Variants in GREM1 observed in about 807,000 individuals in gnomAD.
The protein encoded by GREM1 is gremlin 1, DAN family BMP antagonist, also known as gremlin-1.
In GREM1, 6 loss-of-function variants were observed where a neutral mutation model predicts 13.1. That is an observed-to-expected ratio of 0.46 (90% CI 0.25 to 0.91). The LOEUF (loss-of-function observed/expected upper bound fraction) is 0.91, where lower values mean the gene tolerates loss of function less well. GREM1 is among the 40% of genes least tolerant of loss of function. GREM1 has a pLI of 0.18. For synonymous variants in GREM1, 98 were observed against 93.7 expected (o/e 1.05, Z -0.27); for missense variants, 185 against 233.9 (o/e 0.79, Z 1.36).
At chr15:32,726,371 T>C (rs2055504207) in intron 1 of GREM1, among the ~76,000 whole-genome samples, 1 of 152,136 alleles carries the variant, frequency 6.6e-6, no homozygotes, top group African/African-American at 2.4e-5. Context: ...GCATGGAAAC[T>C]GAACAACCTG....
rs905171369 is a variant in GREM1 at position 32,718,078 on chromosome 15, G to A, written c.-85G>A. Reference sequence around the variant, plus strand: ...TCACTCTCGGTCCCGCTGACCCCGCGCCGAGCCCCGGCGGCTCTGGCCGCG... The same window carrying A: ...TCACTCTCGGTCCCGCTGACCCCGCACCGAGCCCCGGCGGCTCTGGCCGCG... On this transcript the variant is annotated 5_prime_UTR_variant, in exon 1 of 2. Transcript: ENST00000651154. 18 of 1,216,450 alleles carry A rather than the reference G, an allele frequency of 1.5e-5. No homozygotes were observed. The highest frequency in any genetic ancestry group is 4.9e-5 in the African/African-American group (3 of 61,760). The allele number at this position is 1,216,450 out of a possible 1,614,324, so 75.4% of individuals were successfully genotyped here.
chr15:32,731,848 ACT>A lies in GREM1; in HGVS notation c.*606_*607del. ...TTTTCATTTTGTGAAGACCCTCCAGACTCTGGGAGAGGCTGGTGTGGGCAAGG... is the reference window on the plus strand; with the variant it reads ...TTTTCATTTTGTGAAGACCCTCCAGACTGGGAGAGGCTGGTGTGGGCAAGG... On this transcript the variant is annotated 3_prime_UTR_variant, in exon 2 of 2. Transcript: ENST00000651154. The A allele has an allele frequency of 4.3e-6, 1 of 230,826 alleles. No individual in the cohort carries two copies. The highest frequency in any genetic ancestry group is 9.3e-6 in the Non-Finnish European group (1 of 107,396). The allele number at this position is 230,826 out of a possible 1,614,324, so 14.3% of individuals were successfully genotyped here. A position where few individuals can be genotyped will look rare whatever the true frequency, so the allele number is the denominator to read the frequency against.
Position 32,738,940 on chromosome 15 carries a change from C to T in GREM1, c.*7695C>T, listed in dbSNP as rs1186162523. 4 of 152,192 alleles carry T rather than the reference C, an allele frequency of 2.6e-5. No homozygotes were observed. Among genetic ancestry groups the T allele is most frequent in the Non-Finnish European group, 4.4e-5 (3 of 68,040 alleles). 9.4% of individuals were successfully genotyped at this position (152,192 alleles called of 1,614,324 possible). A position where few individuals can be genotyped will look rare whatever the true frequency, so the allele number is the denominator to read the frequency against. On this transcript the variant is annotated 3_prime_UTR_variant, in exon 2 of 2. Transcript: ENST00000651154. The stretch of plus-strand genomic sequence containing the variant: ...CTCCAGCCTACATGACAGAGTAAGT[C>T]TCTGTCTCAAAAACAAAACAAACAA...
In GREM1 at chr15:32,734,678, C is replaced by T. The variant is rs140341653; in HGVS notation, c.*3433C>T. 7 of 230,808 alleles carry T rather than the reference C, an allele frequency of 3.0e-5. No individual in the cohort carries two copies. The South Asian group carries it at 5.5e-4, about 18-fold the overall frequency. 14.3% of individuals were successfully genotyped at this position (230,808 alleles called of 1,614,324 possible). A position where few individuals can be genotyped will look rare whatever the true frequency, so the allele number is the denominator to read the frequency against. ...AACCTATTCTTTCTGTGTGTGTGAG[C>T]GTGCGTTTGTGTTTGGTAGTGTTCC... is the stretch of plus-strand genomic sequence containing the variant. On this transcript the variant is annotated 3_prime_UTR_variant, in exon 2 of 2. Transcript: ENST00000651154.
intron 1 of GREM1, among the ~76,000 whole-genome samples, chr15:32,726,281 G>T (rs900727954): frequency 3.9e-5 from 6 of 152,066 alleles, no homozygotes; most frequent in African/African-American, 1.4e-4. Flanking sequence ...GCAAAAAACA[G>T]AAATCCTAAC....
Position 32,740,847 on chromosome 15 carries a change from A to C in GREM1, c.*9602A>C, listed in dbSNP as rs1289572247. ...GCCTCCATATTCAAATCTTAAGGAAAATTCTTATGGACTTAGCTTGAGTTT... is the reference window on the plus strand; with the variant it reads ...GCCTCCATATTCAAATCTTAAGGAACATTCTTATGGACTTAGCTTGAGTTT... On this transcript the variant is annotated 3_prime_UTR_variant, in exon 2 of 2. Coordinates refer to ENST00000651154, the MANE Select transcript of GREM1 (RefSeq NM_013372.7). 6.6e-6 allele frequency: 1 copy of C among 152,192 alleles called. No individual in the cohort carries two copies. The highest frequency in any genetic ancestry group is 1.5e-5 in the Non-Finnish European group (1 of 68,042). The allele number at this position is 152,192 out of a possible 1,614,324, so 9.4% of individuals were successfully genotyped here. A position where few individuals can be genotyped will look rare whatever the true frequency, so the allele number is the denominator to read the frequency against.
Position 32,740,672 on chromosome 15 carries a change from C to G in GREM1, c.*9427C>G, listed in dbSNP as rs1210147597. ...GAGAGAAAAGAACTGAGAACGTATT[C>G]AAAGAAATAATGGCTGAACACTTCC... On this transcript the variant is annotated 3_prime_UTR_variant, in exon 2 of 2. Transcript: ENST00000651154. 6.6e-6 allele frequency: 1 copy of G among 152,020 alleles called. No homozygotes were observed. Among genetic ancestry groups the G allele is most frequent in the Non-Finnish European group, 1.5e-5 (1 of 67,984 alleles). The allele number at this position is 152,020 out of a possible 1,614,324, so 9.4% of individuals were successfully genotyped here.
At position 32,732,607 on chromosome 15, in the gene GREM1, G is replaced by A. The variant is rs17228641; in HGVS notation, c.*1362G>A. ...CTCCCTTTCTTTATGTGCTCACTGAGGATCTGAGGGGACCCTGTTAGGAGA... is the reference window on the plus strand; with the variant it reads ...CTCCCTTTCTTTATGTGCTCACTGAAGATCTGAGGGGACCCTGTTAGGAGA... On this transcript the variant is annotated 3_prime_UTR_variant, in exon 2 of 2. Coordinates refer to ENST00000651154, the MANE Select transcript of GREM1 (RefSeq NM_013372.7). 0.07 allele frequency: 17,244 copies of A among 245,032 alleles called. 765 individuals carry two copies. Among genetic ancestry groups the A allele is most frequent in the Non-Finnish European group, 0.099 (11,482 of 116,176 alleles). The allele number at this position is 245,032 out of a possible 1,614,324, so 15.2% of individuals were successfully genotyped here.
At chr15:32,718,749 C>A in intron 1 of GREM1, 1 of 314,926 alleles carries the variant, frequency 3.2e-6, no homozygotes, top group South Asian at 2.6e-5. Flanking sequence ...TCAGCCACAG[C>A]GGAAAACCGA....
Position 32,731,698 on chromosome 15 carries a change from C to CT in GREM1, c.*455dup. Reference sequence around the variant, plus strand: ...CATGGAAAAGTCCTTTTAACCTGTGCTTGCATCCTCCTTTCCTCCTCCTCC... The same window carrying CT: ...CATGGAAAAGTCCTTTTAACCTGTGCTTTGCATCCTCCTTTCCTCCTCCTCC... On this transcript the variant is annotated 3_prime_UTR_variant, in exon 2 of 2. Coordinates refer to ENST00000651154, the MANE Select transcript of GREM1 (RefSeq NM_013372.7). The CT allele has an allele frequency of 3.9e-6, 1 of 255,658 alleles. No individual in the cohort carries two copies. Among genetic ancestry groups the CT allele is most frequent in the Non-Finnish European group, 8.1e-6 (1 of 123,558 alleles). The allele number at this position is 255,658 out of a possible 1,614,324, so 15.8% of individuals were successfully genotyped here. A position where few individuals can be genotyped will look rare whatever the true frequency, so the allele number is the denominator to read the frequency against.
chr15:32,728,434 G>A (rs534456330), intron 1 of GREM1, among the ~76,000 whole-genome samples: 11 of 152,306 alleles, frequency 7.2e-5, no homozygotes, highest in South Asian at 2.1e-4. Flanking sequence ...TATCAGCTCC[G>A]AACTTATAAT....
In GREM1 at chr15:32,741,476, A is replaced by G. The variant is rs1354426454; in HGVS notation, c.*10231A>G. ...ATTGTTTTCCTAATTTTTGTTTAAGATAGTTCATCGTTGGTATAGAAATGC... is the reference window on the plus strand; with the variant it reads ...ATTGTTTTCCTAATTTTTGTTTAAGGTAGTTCATCGTTGGTATAGAAATGC... On this transcript the variant is annotated 3_prime_UTR_variant, in exon 2 of 2. Coordinates refer to ENST00000651154, the MANE Select transcript of GREM1 (RefSeq NM_013372.7). 13 of 151,490 alleles carry G rather than the reference A, an allele frequency of 8.6e-5. No homozygotes were observed. The East Asian group carries it at 2.1e-3, about 25-fold the overall frequency. 9.4% of individuals were successfully genotyped at this position (151,490 alleles called of 1,614,324 possible). A position where few individuals can be genotyped will look rare whatever the true frequency, so the allele number is the denominator to read the frequency against.
At chr15:32,724,327 A>T (rs2055460312) in intron 1 of GREM1, among the ~76,000 whole-genome samples, 1 of 152,236 alleles carries the variant, frequency 6.6e-6, no homozygotes, top group African/African-American at 2.4e-5. Context: ...TGACAAACTC[A>T]GAGGGTCCTG....
chr15:32,729,318 C>T (rs918862672), intron 1 of GREM1, among the ~76,000 whole-genome samples: 3 of 152,164 alleles, frequency 2.0e-5, no homozygotes, highest in South Asian at 2.1e-4. Flanking sequence ...TGAGCCACTG[C>T]GCCCGGCCAA....
At chr15:32,725,996 A>G (rs1361308460) in intron 1 of GREM1, among the ~76,000 whole-genome samples, 4 of 152,118 alleles carry the variant, frequency 2.6e-5, no homozygotes, top group Non-Finnish European at 5.9e-5. Context: ...ATTGGTCTGT[A>G]TATCTGCTTT....
intron 1 of GREM1, among the ~76,000 whole-genome samples, chr15:32,726,708 C>A (rs1225014533): frequency 3.5e-5 from 1 of 28,766 alleles, no homozygotes; most frequent in Non-Finnish European, 9.1e-5. Flanking sequence ...AACCCAGGAG[C>A]TGTTTTTTTT....
chr15:32,729,769 A>G (rs756818743), intron 1 of GREM1, among the ~76,000 whole-genome samples: 10 of 152,190 alleles, frequency 6.6e-5, no homozygotes, highest in African/African-American at 1.2e-4. Flanking sequence ...CCATTTTTCT[A>G]CCTTTTAAAT....
chr15:32,730,536 G>C (rs533607086), intron 1 of GREM1, among the ~76,000 whole-genome samples, 154 bp from the exon 2 acceptor site: 1 of 152,262 alleles, frequency 6.6e-6, no homozygotes, highest in African/African-American at 2.4e-5. Context: ...GGAGATAATA[G>C]TACCTAATTC....
intron 1 of GREM1, among the ~76,000 whole-genome samples, chr15:32,724,601 A>T (rs1332553979): frequency 6.6e-6 from 1 of 151,634 alleles, no homozygotes; most frequent in Non-Finnish European, 1.5e-5. Context: ...TCAGTCCTGT[A>T]TTATAACTGG....
Sources: allele counts gnomAD v4.1 joint callset (sites outside exome capture counted in the v4.1 genomes callset), GRCh38; gene constraint gnomAD v4.1.1; transcripts MANE v1.5; gene names NCBI Gene and HGNC (gene_info 2026-07-23, HGNC 2026-07-21).